The following PRKN variants were observed in gnomAD, a reference collection of about 807,000 sequenced individuals.
PRKN encodes parkin RBR E3 ubiquitin protein ligase, also known as E3 ubiquitin-protein ligase parkin.
PRKN carries 56 observed loss-of-function variants against 59.5 expected under a neutral mutation model. That is an observed-to-expected ratio of 0.94 (90% CI 0.76 to 1.18). PRKN has a LOEUF of 1.18. PRKN is among the 50% of genes most tolerant of loss of function. The probability of loss-of-function intolerance (pLI) is 0.00; values close to 1 mark genes in which losing one functional copy is unlikely to be tolerated. For synonymous variants in PRKN, 250 were observed against 222.1 expected, an observed-to-expected ratio of 1.13 and a Z score of -1.12; for missense variants, 657 against 596.4, an observed-to-expected ratio of 1.10 and a Z score of -1.06.
chr6:162,259,353 G>A (rs1267915980), intron 3 of PRKN, among the ~76,000 whole-genome samples: 1 of 152,208 alleles, frequency 6.6e-6, no homozygotes, highest in Non-Finnish European at 1.5e-5. Flanking sequence ...ATAGGGCAGA[G>A]TTTCTCAGAG....
chr6:161,747,147 T>C (rs540654723), intron 7 of PRKN, among the ~76,000 whole-genome samples: 1 of 152,276 alleles, frequency 6.6e-6, no homozygotes, highest in East Asian at 1.9e-4. Flanking sequence ...TATGTGCTGG[T>C]CTTTGAAGAC....
chr6:161,905,967 T>C (rs1035626001), intron 6 of PRKN, among the ~76,000 whole-genome samples: 1 of 148,390 alleles, frequency 6.7e-6, no homozygotes, highest in South Asian at 2.1e-4. Context: ...TCAGGTATTT[T>C]TTTCCTCCTT....
intron 2 of PRKN, among the ~76,000 whole-genome samples, chr6:162,388,913 A>C (rs991919291): frequency 2.7e-5 from 4 of 150,886 alleles, no homozygotes; most frequent in African/African-American, 9.8e-5. Context: ...GTCCAGTCCA[A>C]AGTCCCTAAA....
At chr6:162,493,647 T>A (rs1056443162) in intron 1 of PRKN, among the ~76,000 whole-genome samples, 2 of 152,190 alleles carry the variant, frequency 1.3e-5, no homozygotes, top group Non-Finnish European at 2.9e-5. Context: ...ACTGAAAGTT[T>A]TTTGAATTTG....
chr6:162,620,665 C>A (rs540686980), intron 1 of PRKN, among the ~76,000 whole-genome samples: 2 of 152,222 alleles, frequency 1.3e-5, no homozygotes, highest in East Asian at 3.9e-4. Flanking sequence ...TCCTGTATAT[C>A]ATCCTTTTAC....
chr6:162,177,398 G>A (rs9456749), intron 4 of PRKN, among the ~76,000 whole-genome samples: 73,942 of 151,642 alleles, frequency 0.49, 19,677 homozygotes, highest in Non-Finnish European at 0.61. Context: ...TTGTATCAGC[G>A]GTTTCTACCT....
intron 1 of PRKN, among the ~76,000 whole-genome samples, chr6:162,447,441 A>AC: frequency 6.6e-6 from 1 of 152,206 alleles, no homozygotes; most frequent in Non-Finnish European, 1.5e-5. Context: ...CGTATAATAT[A>AC]GTATCAGAAA....
Position 161,467,028 on chromosome 6 carries a change from G to A in PRKN, c.1084-80151C>T, listed in dbSNP as rs1168433743. Among the ~76,000 whole-genome samples the A allele has an allele frequency of 6.6e-6, 1 of 152,214 alleles. No individual in the cohort carries two copies. Among genetic ancestry groups the A allele is most frequent in the Non-Finnish European group, 1.5e-5 (1 of 68,042 alleles). ...ACAAGCCAACTTCTCTCTGCAGAATGTTCTACATCCCAGAAACCAGGATTG... is the reference window on the plus strand; with the variant it reads ...ACAAGCCAACTTCTCTCTGCAGAATATTCTACATCCCAGAAACCAGGATTG... On this transcript the variant is annotated intron_variant, in intron 9 of 11. Coordinates refer to ENST00000366898, the MANE Select transcript of PRKN (RefSeq NM_004562.3). The surrounding 1 kb of genome is among the most constrained non-coding windows in gnomAD (Gnocchi z 4.3).
chr6:162,716,755 C>T (rs1478051952), intron 1 of PRKN, among the ~76,000 whole-genome samples: 1 of 148,908 alleles, frequency 6.7e-6, no homozygotes, highest in Non-Finnish European at 1.5e-5. Context: ...ACCCTACCCG[C>T]CTGCGCGCGC....
intron 3 of PRKN, among the ~76,000 whole-genome samples, chr6:162,213,603 C>G (rs1159694467): frequency 6.6e-6 from 1 of 151,926 alleles, no homozygotes; most frequent in Non-Finnish European, 1.5e-5. Context: ...GTGGCACATG[C>G]CTGTACCTCC....
intron 1 of PRKN, among the ~76,000 whole-genome samples, chr6:162,452,588 A>G (rs538185048): frequency 6.6e-6 from 1 of 152,302 alleles, no homozygotes; most frequent in South Asian, 2.1e-4. Flanking sequence ...CAAAATGAAT[A>G]AAAATATTGA....
At chr6:162,201,807 A>T (rs969410523) in intron 3 of PRKN, among the ~76,000 whole-genome samples, 2 of 152,182 alleles carry the variant, frequency 1.3e-5, no homozygotes, top group Non-Finnish European at 2.9e-5. Context: ...TTCAGAGACC[A>T]AGCAGCTATG....
chr6:162,598,619 G>A lies in PRKN; in HGVS notation c.7+129043C>T, dbSNP rs561406626. ...TGTAAACCCAGAACTTTGGGAGGTC[G>A]AGGCGGGCGGATAACCTGAGGCCAG... is the stretch of plus-strand genomic sequence containing the variant. On this transcript the variant is annotated intron_variant, in intron 1 of 11. Coordinates refer to ENST00000366898, the MANE Select transcript of PRKN (RefSeq NM_004562.3). 2.0e-5 allele frequency among the ~76,000 whole-genome samples: 3 copies of A among 152,086 alleles called. 1 individual carries two copies. The highest frequency in any genetic ancestry group is 4.4e-5 in the Non-Finnish European group (3 of 68,014).
chr6:161,872,340 G>A (rs1166626469), intron 6 of PRKN, among the ~76,000 whole-genome samples: 1 of 152,126 alleles, frequency 6.6e-6, no homozygotes, highest in African/African-American at 2.4e-5. Context: ...CCCTGAGAAT[G>A]CATTTATATA....
rs770150933 is a variant in PRKN at position 161,354,691 on chromosome 6, G to A, written c.1286-4480C>T. 2.0e-5 allele frequency among the ~76,000 whole-genome samples: 3 copies of A among 152,166 alleles called. No homozygotes were observed. Among genetic ancestry groups the A allele is most frequent in the Non-Finnish European group, 2.9e-5 (2 of 68,032 alleles). On this transcript the variant is annotated intron_variant, in intron 11 of 11. Coordinates refer to ENST00000366898, the MANE Select transcript of PRKN (RefSeq NM_004562.3). This position sits in a 1 kb window ranked among gnomAD's most constrained non-coding sequence, Gnocchi z 6.7. Reference sequence around the variant, plus strand: ...CACAGCTGAGTATGTAACAGGCCACGAACCTTGGTGACAACCAGGTAACAT... The same window carrying A: ...CACAGCTGAGTATGTAACAGGCCACAAACCTTGGTGACAACCAGGTAACAT...
chr6:162,595,972 C>CT (rs1254278687), intron 1 of PRKN, among the ~76,000 whole-genome samples: 2 of 152,020 alleles, frequency 1.3e-5, no homozygotes, highest in Non-Finnish European at 2.9e-5. Context: ...TTCACAATTT[C>CT]TAACAAGTTT....
chr6:162,550,062 T>C (rs931197077), intron 1 of PRKN, among the ~76,000 whole-genome samples: 3 of 152,188 alleles, frequency 2.0e-5, no homozygotes, highest in Non-Finnish European at 4.4e-5. Flanking sequence ...AGTTGGTGGT[T>C]CCTAATAATA....
chr6:161,805,599 C>T (rs2128211898), intron 6 of PRKN, among the ~76,000 whole-genome samples: 1 of 152,330 alleles, frequency 6.6e-6, no homozygotes, highest in African/African-American at 2.4e-5. Context: ...GGCTCCAGCG[C>T]AGGCCCTCCG....
At chr6:162,269,214 T>C (rs1341690110) in intron 2 of PRKN, among the ~76,000 whole-genome samples, 1 of 152,148 alleles carries the variant, frequency 6.6e-6, no homozygotes, top group Non-Finnish European at 1.5e-5. Flanking sequence ...AGTTTCTTTG[T>C]ATGCGTTGCT....
Sources: allele counts gnomAD v4.1 joint callset (sites outside exome capture counted in the v4.1 genomes callset), GRCh38; gene constraint gnomAD v4.1.1; non-coding constraint Gnocchi (gnomAD v3.1); transcripts MANE v1.5; gene names NCBI Gene and HGNC (gene_info 2026-07-23, HGNC 2026-07-21).